The following SLC38A8 variants were observed in gnomAD, a reference collection of about 807,000 sequenced individuals.
The protein encoded by SLC38A8 is amino acid transporter SLC38A8.
A neutral mutation model predicts 46.0 loss-of-function variants in SLC38A8; 65 were observed. The observed-to-expected ratio is 1.41, with a 90% CI of 1.16 to 1.74. The LOEUF (loss-of-function observed/expected upper bound fraction) is 1.74. SLC38A8 is among the 40% of genes most tolerant of loss of function. The pLI, the probability that SLC38A8 is intolerant of heterozygous loss-of-function variation, is 0.00. For synonymous variants in SLC38A8, 447 were observed against 243.7 expected (o/e 1.83, Z -7.77); for missense variants, 998 against 567.9 (o/e 1.76, Z -7.70).
chr16:84,025,316 C>G (rs192856532), intron 6 of SLC38A8, among the ~76,000 whole-genome samples: 3 of 152,268 alleles, frequency 2.0e-5, no homozygotes, highest in East Asian at 3.9e-4. Context: ...AAGCTCAGAT[C>G]AGCTAGGTCT....
At chr16:84,038,951 G>A (rs1473877453) in intron 2 of SLC38A8, among the ~76,000 whole-genome samples, 1 of 152,162 alleles carries the variant, frequency 6.6e-6, no homozygotes, top group African/African-American at 2.4e-5. Flanking sequence ...GTGACTTACT[G>A]GAAACAGTTT....
intron 5 of SLC38A8, among the ~76,000 whole-genome samples, chr16:84,030,970 C>G (rs1448033667): frequency 6.6e-6 from 1 of 152,188 alleles, no homozygotes; most frequent in Non-Finnish European, 1.5e-5. Context: ...CAGAGGCCTC[C>G]CACTTGGTCT....
upstream of SLC38A8, among the ~76,000 whole-genome samples, chr16:84,042,797 G>A (rs918368759): frequency 1.1e-4 from 16 of 152,226 alleles, no homozygotes; most frequent in Non-Finnish European, 2.1e-4. Context: ...AGAATTTGCA[G>A]CTTTTGAGAC....
rs564490590 is a variant in SLC38A8 at position 84,023,769 on chromosome 16, C to T, written c.691-880G>A. On this transcript the variant is annotated intron_variant, in intron 6 of 10. Coordinates refer to ENST00000299709, the MANE Select transcript of SLC38A8 (RefSeq NM_001080442.3). The stretch of plus-strand genomic sequence containing the variant: ...ATTAGCCGGGCATGGTAATGAGCAC[C>T]TGTAATCCCAGCTACTCAGGAAGCT... 4.7e-4 allele frequency among the ~76,000 whole-genome samples: 72 copies of T among 152,334 alleles called. No individual in the cohort carries two copies. In the Middle Eastern group the frequency reaches 0.014, roughly 29 times the overall value.
At chr16:84,021,126 G>C (rs962940022) in intron 7 of SLC38A8, among the ~76,000 whole-genome samples, 2 of 152,082 alleles carry the variant, frequency 1.3e-5, no homozygotes, top group East Asian at 3.9e-4. Context: ...GCAATGGTGC[G>C]ATCTCAGCTC....
chr16:84,028,375 G>C (rs1485335042), intron 6 of SLC38A8, among the ~76,000 whole-genome samples: 1 of 151,932 alleles, frequency 6.6e-6, no homozygotes, highest in Non-Finnish European at 1.5e-5. Context: ...GACGTCAGGA[G>C]TTCAAGACCA....
In SLC38A8 at chr16:84,033,408, G is replaced by A. The variant is rs1279029108; in HGVS notation, c.450C>T (p.Arg150=). 3 of 1,613,808 alleles carry A rather than the reference G, an allele frequency of 1.9e-6. No homozygotes were observed. Among genetic ancestry groups the A allele is most frequent in the Admixed American group, 3.3e-5 (2 of 60,006 alleles). Reference sequence around the variant, plus strand: ...GCACGGAGAGCAGGGGCAGGGTGAAGCGCTGGTCTGCGTACCACGGCTGCG... The same window carrying A: ...GCACGGAGAGCAGGGGCAGGGTGAAACGCTGGTCTGCGTACCACGGCTGCG... ...PAPQPWYADQ[R]FTLPLLSVLV... The change falls in exon 4 of 11, where the codon CGC becomes CGT. Residue 150 remains arginine (R), a synonymous_variant. Transcript: ENST00000299709.
chr16:84,038,310 CA>C (rs58049880), intron 2 of SLC38A8, among the ~76,000 whole-genome samples: 223 of 143,964 alleles, frequency 1.5e-3, no homozygotes, highest in Admixed American at 1.7e-3. Flanking sequence ...GACTCCCTCT[CA>C]AAAAAAAAAA....
chr16:84,042,196 T>C lies in SLC38A8; in HGVS notation c.-2-37A>G, dbSNP rs370634916. ...AGAGGGGTGGAGAGAAAGCACAGTC[T>C]TCACGCTTTCCTCCCTAAGTTCTCG... On this transcript the variant is annotated intron_variant, in intron 1 of 10. Coordinates refer to ENST00000299709, the MANE Select transcript of SLC38A8 (RefSeq NM_001080442.3). 1.5e-5 allele frequency: 23 copies of C among 1,561,668 alleles called. No individual in the cohort carries two copies. The African/African-American group carries it at 2.9e-4, about 19-fold the overall frequency.
chr16:84,022,976 A>T, intron 6 of SLC38A8, 87 bp from the exon 7 acceptor site: 1 of 890,850 alleles, frequency 1.1e-6, no homozygotes, highest in Non-Finnish European at 1.7e-6. Flanking sequence ...AAGGCGGGAA[A>T]TGTGGGATAT....
rs751148328 is a variant in SLC38A8, at chr16:84,031,915, T to A, written c.584A>T (p.Tyr195Phe). 1.9e-6 allele frequency: 3 copies of A among 1,614,092 alleles called. No homozygotes were observed. The highest frequency in any genetic ancestry group is 1.3e-5 in the African/African-American group (1 of 74,946). Reference protein sequence around the residue: ...CYLALVITVQYYLWPQGLVRE... With the variant: ...CYLALVITVQFYLWPQGLVRE... ...CACGAGGCCCTGGGGCCAGAGGTAG[T>A]ACTGCACGGTGATGACCAGGGCCAG... The change falls in exon 5 of 11, where the codon TAC becomes TTC. Residue 195 changes from tyrosine (Y) to phenylalanine (F), a missense_variant. Tyr to Phe is a conservative substitution (Grantham distance 22). Coordinates refer to ENST00000299709, the MANE Select transcript of SLC38A8 (RefSeq NM_001080442.3).
chr16:84,036,636 G>T, intron 3 of SLC38A8, 66 bp downstream of exon 3: 3 of 1,577,008 alleles, frequency 1.9e-6, no homozygotes, highest in East Asian at 2.3e-5. Context: ...TGCTCAACTG[G>T]AAACTCCAAG....
chr16:84,009,904 A>G (rs773602611), intron 10 of SLC38A8, 27 bp from the exon 11 acceptor site: 29 of 1,603,076 alleles, frequency 1.8e-5, no homozygotes, highest in Non-Finnish European at 2.3e-5. Flanking sequence ...CCCATGTCAG[A>G]GCTTTTCTGG....
chr16:84,018,180 G>A (rs552338778), intron 7 of SLC38A8, among the ~76,000 whole-genome samples: 100 of 150,946 alleles, frequency 6.6e-4, no homozygotes, highest in Non-Finnish European at 1.2e-3. Context: ...AGGTGGCATA[G>A]GGCATTGTAT....
chr16:84,013,291 C>A (rs1012600101), intron 9 of SLC38A8, among the ~76,000 whole-genome samples: 2 of 152,100 alleles, frequency 1.3e-5, no homozygotes, highest in Admixed American at 1.3e-4. Flanking sequence ...TCCCAGAGCC[C>A]CATCTTTCAG....
At chr16:84,028,097 G>A (rs2085188049) in intron 6 of SLC38A8, among the ~76,000 whole-genome samples, 1 of 150,846 alleles carries the variant, frequency 6.6e-6, no homozygotes. Context: ...GCAAGATGAA[G>A]AACAGAAGCA....
intron 7 of SLC38A8, among the ~76,000 whole-genome samples, chr16:84,018,600 C>G (rs910498914): frequency 6.6e-6 from 1 of 152,094 alleles, no homozygotes; most frequent in Non-Finnish European, 1.5e-5. Context: ...CCATTAAGCC[C>G]CTGCCCCATG....
chr16:84,039,514 G>A (rs756625698), intron 2 of SLC38A8, among the ~76,000 whole-genome samples: 2 of 152,120 alleles, frequency 1.3e-5, no homozygotes, highest in Non-Finnish European at 2.9e-5. Context: ...GGAGGCCAAG[G>A]CGGGTGGATC....
intron 4 of SLC38A8, among the ~76,000 whole-genome samples, chr16:84,032,527 G>T (rs551003362): frequency 6.6e-6 from 1 of 152,218 alleles, no homozygotes; most frequent in Non-Finnish European, 1.5e-5. Flanking sequence ...CGGGATGGCA[G>T]CTGTAATAGT....
Sources: allele counts gnomAD v4.1 joint callset (sites outside exome capture counted in the v4.1 genomes callset), GRCh38; gene constraint gnomAD v4.1.1; transcripts MANE v1.5; gene names NCBI Gene and HGNC (gene_info 2026-07-23, HGNC 2026-07-21).